Variants in GBF1 observed in about 807,000 individuals in gnomAD.
The protein encoded by GBF1 is golgi brefeldin A resistant guanine nucleotide exchange factor 1, also known as Golgi-specific brefeldin A-resistance guanine nucleotide exchange factor 1.
Under a neutral mutation model 210.5 loss-of-function variants are expected in GBF1, and 114 were observed. The ratio of observed to expected loss-of-function variants is 0.54; its 90% CI spans 0.47 to 0.63. The LOEUF (loss-of-function observed/expected upper bound fraction) is 0.63, where lower values mean the gene tolerates loss of function less well. Ranked by LOEUF, GBF1 falls within the 30% of genes least tolerant of loss-of-function variation. The pLI is 0.00. For synonymous variants in GBF1, 850 were observed against 889.2 expected, an observed-to-expected ratio of 0.96 and a Z score of 0.78; for missense variants, 1,851 against 2,357.7, an observed-to-expected ratio of 0.79 and a Z score of 4.45.
At position 102,358,124 on chromosome 10, in the gene GBF1, A is replaced by G. The variant is rs753866636; in HGVS notation, c.725A>G (p.Lys242Arg). 13 of 1,613,206 alleles carry G rather than the reference A, an allele frequency of 8.1e-6. No homozygotes were observed. Among genetic ancestry groups the G allele is most frequent in the Middle Eastern group, 1.6e-4 (1 of 6,082 alleles). Residue 242 changes from lysine (K) to arginine (R), a missense_variant, in exon 9 of 40, where the codon AAA (lysine) becomes AGA (arginine). Lys to Arg is a conservative substitution (Grantham distance 26). Around this residue, in one of 3 missense-constraint regions of GBF1, gnomAD observed 804 missense variants for 958.6 expected, o/e 0.84. Transcript: ENST00000369983. The part of the protein sequence containing the change: ...RSPRPPRHMT[K>R]VTPGSELPTP... ...CCTCGGCCCCCACGCCATATGACCA[A>G]AGTCACACCAGGTTCAGAGCTGCCC...
chr10:102,253,097 G>A (rs1231497567), intron 1 of GBF1, among the ~76,000 whole-genome samples: 1 of 152,088 alleles, frequency 6.6e-6, no homozygotes. Flanking sequence ...GTTTCACCAT[G>A]CTGGCCAGGC....
chr10:102,370,209 G>A lies in GBF1; in HGVS notation c.3375G>A (p.Lys1125=). Residue 1125 remains lysine (K), a synonymous_variant, in exon 27 of 40, where the codon AAG becomes AAA. Coordinates refer to ENST00000369983, the MANE Select transcript of GBF1 (RefSeq NM_001377137.1). The stretch of plus-strand genomic sequence containing the variant: ...CAGAAAAAATGATCACAGAAAGCAA[G>A]TTCCTCCAGCTGGAGTCACTACAGG... The part of the protein sequence containing the change: ...CDPEKMITES[K]FLQLESLQEL... The A allele has an allele frequency of 1.2e-6, 2 of 1,612,980 alleles. No individual in the cohort carries two copies. The highest frequency in any genetic ancestry group is 1.7e-6 in the Non-Finnish European group (2 of 1,179,022).
At chr10:102,358,246 G>A in intron 9 of GBF1, 60 bp downstream of exon 9, 1 of 1,495,658 alleles carries the variant, frequency 6.7e-7, no homozygotes, top group Non-Finnish European at 9.2e-7. Flanking sequence ...TCTCTCTTAG[G>A]GATTTTGAAA....
At position 102,352,516 on chromosome 10, in the gene GBF1, A is replaced by G. The variant is rs368601684; in HGVS notation, c.582A>G (p.Thr194=). ...TLVDMVQLLF[T]RLPQFKEEPK... is the part of the protein sequence containing the mutation. ...TAGACATGGTGCAGCTGCTCTTCACAAGGTAAACCTGCTGCTGTTTGCTTC... is the reference window on the plus strand; with the variant it reads ...TAGACATGGTGCAGCTGCTCTTCACGAGGTAAACCTGCTGCTGTTTGCTTC... The change falls in exon 7 of 40, where the codon ACA becomes ACG. Residue 194 remains threonine (T), a splice_region_variant and synonymous_variant. Coordinates refer to ENST00000369983, the MANE Select transcript of GBF1 (RefSeq NM_001377137.1). 1.9e-6 allele frequency: 3 copies of G among 1,606,172 alleles called. No individual in the cohort carries two copies. Among genetic ancestry groups the G allele is most frequent in the Non-Finnish European group, 1.7e-6 (2 of 1,172,922 alleles).
intron 3 of GBF1, among the ~76,000 whole-genome samples, chr10:102,270,463 T>G (rs2074298344): frequency 6.6e-6 from 1 of 152,210 alleles, no homozygotes; most frequent in African/African-American, 2.4e-5. Context: ...TCCAGTTTTT[T>G]ATGATGAAAA....
intron 12 of GBF1, 55 bp from the exon 13 acceptor site, chr10:102,360,967 T>G: frequency 1.2e-6 from 1 of 831,762 alleles, no homozygotes; most frequent in South Asian, 1.4e-5. Context: ...AGAGTGAAAC[T>G]CCGCCTCAAA....
chr10:102,331,908 G>A (rs1452476172), intron 3 of GBF1, among the ~76,000 whole-genome samples: 1 of 143,808 alleles, frequency 7.0e-6, no homozygotes, highest in Non-Finnish European at 1.5e-5. Context: ...CGCCCAGGCT[G>A]GAGTGCAGTG....
chr10:102,368,915 C>G, intron 23 of GBF1, 83 bp downstream of exon 23: 1 of 964,146 alleles, frequency 1.0e-6, no homozygotes, highest in South Asian at 1.4e-5. Flanking sequence ...ATCAACAGAC[C>G]TGGTTGCCCT....
chr10:102,271,774 C>G (rs1377338992), intron 3 of GBF1, among the ~76,000 whole-genome samples: 3 of 151,944 alleles, frequency 2.0e-5, no homozygotes, highest in Admixed American at 2.0e-4. Context: ...TTTTTTGAGA[C>G]AGAGTCCTGC....
rs540970575 is a variant in GBF1, at chr10:102,382,330, C to G, written c.5577C>G (p.Val1859=). Residue 1859 remains valine (V), a synonymous_variant, in exon 40 of 40, where the codon GTC becomes GTG. Transcript: ENST00000369983. ...CAGATCCCATACCCACCTCTGAGGT[C>G]AACTAAGGCAGGTCACTCAGAGATC... ...RPTDPIPTSE[V]N 6.9e-6 allele frequency: 11 copies of G among 1,605,026 alleles called. No individual in the cohort carries two copies. The South Asian group carries it at 1.2e-4, about 18-fold the overall frequency.
intron 3 of GBF1, among the ~76,000 whole-genome samples, chr10:102,304,085 G>C (rs1246874672): frequency 6.6e-6 from 1 of 151,838 alleles, no homozygotes; most frequent in Non-Finnish European, 1.5e-5. Flanking sequence ...TCTTCTAATA[G>C]GAATAAAATA....
chr10:102,243,460 G>A (rs1343377045), upstream of GBF1, among the ~76,000 whole-genome samples: 1 of 152,168 alleles, frequency 6.6e-6, no homozygotes, highest in Non-Finnish European at 1.5e-5. Context: ...AGGGACTAGG[G>A]AATTGTCATC....
upstream of GBF1, among the ~76,000 whole-genome samples, chr10:102,242,297 C>A (rs1042488231): frequency 6.6e-6 from 1 of 152,192 alleles, no homozygotes; most frequent in Non-Finnish European, 1.5e-5. Flanking sequence ...CATCTCCCTC[C>A]CCGCGCAAAA....
Position 102,260,059 on chromosome 10 carries a change from C to A in GBF1, c.106C>A (p.Arg36=), listed in dbSNP as rs756702754. Residue 36 remains arginine (R), a synonymous_variant, in exon 3 of 40, where the codon CGG becomes AGG. Transcript: ENST00000369983. The part of the protein sequence containing the change: ...WSTHTPLDEE[R]DPLLHSFGHL... Reference sequence around the variant, plus strand: ...TCTATGTGTTCTACAGGATGAAGAACGGGATCCTCTGCTGCATAGTTTCGG... The same window carrying A: ...TCTATGTGTTCTACAGGATGAAGAAAGGGATCCTCTGCTGCATAGTTTCGG... 1.9e-6 allele frequency: 3 copies of A among 1,583,680 alleles called. No individual in the cohort carries two copies. The highest frequency in any genetic ancestry group is 1.7e-5 in the Admixed American group (1 of 59,710).
intron 3 of GBF1, among the ~76,000 whole-genome samples, chr10:102,283,628 T>C (rs1254399312): frequency 2.6e-5 from 4 of 152,162 alleles, no homozygotes; most frequent in African/African-American, 9.7e-5. Context: ...ACTCTGAAAA[T>C]GCTTTTGCCT....
intron 10 of GBF1, 149 bp from the exon 11 acceptor site, chr10:102,359,118 G>C: frequency 1.5e-6 from 1 of 646,408 alleles, no homozygotes; most frequent in Non-Finnish European, 2.8e-6. Flanking sequence ...TCCTACCTGA[G>C]CCATCTTGCG....
At chr10:102,322,856 G>A (rs1159645917) in intron 3 of GBF1, among the ~76,000 whole-genome samples, 2 of 152,016 alleles carry the variant, frequency 1.3e-5, no homozygotes, top group Admixed American at 6.6e-5. Context: ...AGCAGAGGTT[G>A]CAGTGAGCTG....
chr10:102,273,018 A>T (rs1284537902), intron 3 of GBF1, among the ~76,000 whole-genome samples: 1 of 152,172 alleles, frequency 6.6e-6, no homozygotes, highest in African/African-American at 2.4e-5. Flanking sequence ...TCAACCAGCA[A>T]TAAAGGGGAA....
At chr10:102,319,728 C>CTT (rs546103797) in intron 3 of GBF1, among the ~76,000 whole-genome samples, 51 of 133,218 alleles carry the variant, frequency 3.8e-4, no homozygotes, top group East Asian at 6.6e-4. Context: ...CTTTTTCTTT[C>CTT]TTTTTTTTTT....
Sources: allele counts gnomAD v4.1 joint callset (sites outside exome capture counted in the v4.1 genomes callset), GRCh38; gene constraint gnomAD v4.1.1; regional missense constraint gnomAD v4.1.1; transcripts MANE v1.5; gene names NCBI Gene and HGNC (gene_info 2026-07-23, HGNC 2026-07-21).